Variants in DBI observed in about 807,000 individuals in gnomAD.
The protein encoded by DBI is diazepam binding inhibitor, acyl-CoA binding protein, also known as acyl-CoA-binding protein.
DBI carries 12 observed loss-of-function variants against 13.0 expected under a neutral mutation model. The ratio of observed to expected loss-of-function variants is 0.92; its 90% CI spans 0.59 to 1.49. The LOEUF (loss-of-function observed/expected upper bound fraction) is 1.49, where lower values mean the gene tolerates loss of function less well. Among genes scored for constraint, DBI ranks in the 40% most tolerant of loss-of-function variants. The probability of loss-of-function intolerance (pLI) is 0.00; values close to 1 mark genes in which losing one functional copy is unlikely to be tolerated. For synonymous variants in DBI, 37 were observed against 37.4 expected (o/e 0.99, Z 0.04); for missense variants, 95 against 104.8 (o/e 0.91, Z 0.41).
intron 1 of DBI, chr2:119,367,630 G>A (rs770291013): frequency 1.2e-6 from 2 of 1,614,020 alleles, no homozygotes; most frequent in Admixed American, 3.3e-5. Context: ...TGCCAATCCG[G>A]GCACTGGGAC....
In DBI at chr2:119,368,296, A is replaced by G. The variant is rs1332696763; in HGVS notation, c.118A>G (p.Ile40Val). The G allele has an allele frequency of 6.2e-7, 1 of 1,612,858 alleles. No homozygotes were observed. Among genetic ancestry groups the G allele is most frequent in the Non-Finnish European group, 8.5e-7 (1 of 1,178,834 alleles). ...CTACAAACAAGCAACTGTGGGCGAC[A>G]TAAATACAGGTATGCAGAGCGGGGG... Reference protein sequence around the residue: ...GHYKQATVGDINTERPGMLDF... With the variant: ...GHYKQATVGDVNTERPGMLDF... The change falls in exon 2 of 4, where the codon ATA becomes GTA. Residue 40 changes from isoleucine (I) to valine (V), a missense_variant. Transcript: ENST00000355857.
chr2:119,368,443 G>A, intron 2 of DBI, 138 bp downstream of exon 2: 2 of 682,910 alleles, frequency 2.9e-6, no homozygotes, highest in South Asian at 1.7e-5. Flanking sequence ...GGTTCCTGAG[G>A]TGGAAAAGAC....
Position 119,368,190 on chromosome 2 carries a change from TGA to T in DBI, c.14_15del (p.Glu5ValfsTer2). The part of the protein sequence containing the change: MSQA[E>X]FEKAAEEVRH... ...CCTCTCCTCTCCCTTCCATTTAGGC[TGA>T]GTTTGAGAAAGCTGCAGAGGAGGTT... is the stretch of plus-strand genomic sequence containing the variant. On this transcript the variant is annotated frameshift_variant, in exon 2 of 4. Transcript: ENST00000355857. LOFTEE classifies it high-confidence loss of function. The T allele has an allele frequency of 6.2e-7, 1 of 1,613,132 alleles. No individual in the cohort carries two copies. The highest frequency in any genetic ancestry group is 8.5e-7 in the Non-Finnish European group (1 of 1,179,708).
chr2:119,372,467 A>C lies in DBI; in HGVS notation c.*149A>C. On this transcript the variant is annotated 3_prime_UTR_variant, in exon 4 of 4. Coordinates refer to ENST00000355857, the MANE Select transcript of DBI (RefSeq NM_001079862.4). ...GCTCACCATACGGCTCTAACAGATT[A>C]GGGGCTAAAACGATTACTGACTTTC... 1 of 575,570 alleles carries C rather than the reference A, an allele frequency of 1.7e-6. No individual in the cohort carries two copies. The highest frequency in any genetic ancestry group is 3.1e-6 in the Non-Finnish European group (1 of 319,666). The allele number at this position is 575,570 out of a possible 1,614,324, so 35.7% of individuals were successfully genotyped here.
rs1055805844 is a variant in DBI at position 119,370,751 on chromosome 2, A to T, written c.139A>T (p.Met47Leu). 1.5e-5 allele frequency: 25 copies of T among 1,613,934 alleles called. No individual in the cohort carries two copies. The Admixed American group carries it at 3.2e-4, about 20-fold the overall frequency. Residue 47 changes from methionine to leucine, a missense_variant, in exon 3 of 4, where the codon ATG becomes TTG. Coordinates refer to ENST00000355857, the MANE Select transcript of DBI (RefSeq NM_001079862.4). ...TTCCCTTGTTTAAGAACGGCCCGGG[A>T]TGTTGGACTTCACGGGCAAGGCCAA... Reference protein sequence around the residue: ...VGDINTERPGMLDFTGKAKWD... With the variant: ...VGDINTERPGLLDFTGKAKWD...
intron 1 of DBI, chr2:119,367,757 C>T: frequency 6.2e-6 from 10 of 1,607,752 alleles, no homozygotes. Context: ...CATACTGTGC[C>T]CCGTCTGTCC....
Position 119,367,003 on chromosome 2 carries a change from G to C in DBI, c.-49G>C. ...GTGCAATCTGGGCGATCGCTTCCTG[G>C]TCCTCGCCTCCTCCGCTGTCTCCCT... is the stretch of plus-strand genomic sequence containing the variant. On this transcript the variant is annotated 5_prime_UTR_variant, in exon 1 of 4. Transcript: ENST00000355857. 1 of 1,613,232 alleles carries C rather than the reference G, an allele frequency of 6.2e-7. No homozygotes were observed. Among genetic ancestry groups the C allele is most frequent in the Non-Finnish European group, 8.5e-7 (1 of 1,179,474 alleles).
chr2:119,367,533 C>T (rs776992779), intron 1 of DBI: 1 of 1,607,252 alleles, frequency 6.2e-7, no homozygotes, highest in Admixed American at 1.7e-5. Flanking sequence ...GGAGAGGTGA[C>T]CCAGGGGCCC....
chr2:119,367,241 T>G (rs1490345947), intron 1 of DBI, 181 bp downstream of exon 1: 8 of 1,438,800 alleles, frequency 5.6e-6, no homozygotes, highest in Non-Finnish European at 7.3e-6. Flanking sequence ...GTTTGGGGAT[T>G]TCTAAATCTG....
intron 3 of DBI, 68 bp downstream of exon 3, chr2:119,370,870 T>C: frequency 7.0e-7 from 1 of 1,432,836 alleles, no homozygotes; most frequent in Non-Finnish European, 9.7e-7. Context: ...TTATGAAGTG[T>C]AAGGGAAGAG....
rs1470364697 is a variant in DBI, at chr2:119,370,780, G to A, written c.168G>A (p.Trp56Ter). Residue 56 changes from tryptophan to a stop codon, truncating the protein, a stop_gained, in exon 3 of 4, where the codon TGG becomes TGA. Coordinates refer to ENST00000355857, the MANE Select transcript of DBI (RefSeq NM_001079862.4). LOFTEE classifies it high-confidence loss of function. ...GMLDFTGKAK[W>*]DAWNELKGTS... ...TGGACTTCACGGGCAAGGCCAAGTG[G>A]GATGCCTGGAATGAGCTGAAAGGTA... 1 of 1,613,906 alleles carries A rather than the reference G, an allele frequency of 6.2e-7. No homozygotes were observed.
intron 1 of DBI, chr2:119,367,409 G>T: frequency 6.6e-7 from 1 of 1,504,122 alleles, no homozygotes; most frequent in Non-Finnish European, 8.9e-7. Flanking sequence ...GAAGCACAGG[G>T]CAGGACGTCG....
intron 1 of DBI, 51 bp from the exon 2 acceptor site, chr2:119,368,137 C>G (rs888264456): frequency 6.5e-7 from 1 of 1,550,132 alleles, no homozygotes; most frequent in Non-Finnish European, 8.9e-7. Context: ...GGATTCTTAC[C>G]CTCTCCCACC....
chr2:119,367,836 GC>G, intron 1 of DBI: 4 of 1,613,194 alleles, frequency 2.5e-6, no homozygotes, highest in Non-Finnish European at 3.4e-6. Context: ...CAGGCAGTTG[GC>G]CGCGCTGCTT....
At chr2:119,367,585 A>T (rs753692785) in intron 1 of DBI, 2 of 1,613,942 alleles carry the variant, frequency 1.2e-6, no homozygotes, top group Non-Finnish European at 1.7e-6. Flanking sequence ...AGACCGAGCT[A>T]TGTGGGGCGA....
At chr2:119,370,878 G>A in intron 3 of DBI, 76 bp downstream of exon 3, 3 of 1,399,114 alleles carry the variant, frequency 2.1e-6, no homozygotes, top group Non-Finnish European at 3.0e-6. Context: ...TGTAAGGGAA[G>A]AGGAGAGAAA....
chr2:119,366,978 G>A lies in DBI; in HGVS notation c.-74G>A. On this transcript the variant is annotated 5_prime_UTR_variant, in exon 1 of 4. In the 5' UTR this introduces an upstream ATG that the reference lacks. Transcript: ENST00000355857. ...ACCGCGCCTCTAAAGGCGCTTGCCAGTGCAATCTGGGCGATCGCTTCCTGG... is the reference window on the plus strand; with the variant it reads ...ACCGCGCCTCTAAAGGCGCTTGCCAATGCAATCTGGGCGATCGCTTCCTGG... 6.2e-7 allele frequency: 1 copy of A among 1,602,536 alleles called. No homozygotes were observed. The highest frequency in any genetic ancestry group is 8.5e-7 in the Non-Finnish European group (1 of 1,170,840).
At position 119,370,658 on chromosome 2, in the gene DBI, A is replaced by G. The variant is rs541736900; in HGVS notation, c.128-82A>G. 22 of 1,281,384 alleles carry G rather than the reference A, an allele frequency of 1.7e-5. No homozygotes were observed. The East Asian group carries it at 4.7e-4, about 28-fold the overall frequency. The allele number at this position is 1,281,384 out of a possible 1,614,324, so 79.4% of individuals were successfully genotyped here. ...CTAGAAGGAACAGGTGTAATAGAAG[A>G]TGGCATTTATGGCAAGAAGGTTGAT... On this transcript the variant is annotated intron_variant, in intron 2 of 3. Coordinates refer to ENST00000355857, the MANE Select transcript of DBI (RefSeq NM_001079862.4).
At position 119,372,371 on chromosome 2, in the gene DBI, C is replaced by T. The variant is rs1681584105; in HGVS notation, c.*53C>T. The T allele has an allele frequency of 7.1e-7, 1 of 1,405,094 alleles. No individual in the cohort carries two copies. Among genetic ancestry groups the T allele is most frequent in the Non-Finnish European group, 1.0e-6 (1 of 991,302 alleles). 87.0% of individuals were successfully genotyped at this position (1,405,094 alleles called of 1,614,324 possible). ...TGTTTATCCTAAACTGAGACAATGC[C>T]TTGTTTTTTTCTAATACCGTGGATG... On this transcript the variant is annotated 3_prime_UTR_variant, in exon 4 of 4. Transcript: ENST00000355857.
Sources: gnomAD v4.1 joint callset for allele counts on GRCh38, gnomAD v4.1.1 for gene constraint, MANE v1.5 for transcripts, NCBI Gene and HGNC (gene_info 2026-07-23, HGNC 2026-07-21) for gene names.